The following C3orf70 variants were observed in gnomAD, a reference collection of about 807,000 sequenced individuals.
C3orf70 encodes the protein chromosome 3 open reading frame 70.
In C3orf70, 15 loss-of-function variants were observed where a neutral mutation model predicts 20.7. The observed-to-expected ratio is 0.72, with a 90% confidence interval of 0.48 to 1.11. The LOEUF (loss-of-function observed/expected upper bound fraction) is 1.11, where lower values mean the gene tolerates loss of function less well. Ranked by LOEUF, C3orf70 falls within the 50% of genes most tolerant of loss-of-function variation. The pLI, the probability that C3orf70 is intolerant of heterozygous loss-of-function variation, is 0.00. For synonymous variants in C3orf70, 161 were observed against 125.7 expected, an observed-to-expected ratio of 1.28 and a Z score of -1.88; for missense variants, 332 against 317.6, an observed-to-expected ratio of 1.05 and a Z score of -0.34.
intron 1 of C3orf70, among the ~76,000 whole-genome samples, chr3:185,123,815 T>A (rs1716358058): frequency 6.6e-6 from 1 of 152,168 alleles, no homozygotes; most frequent in Non-Finnish European, 1.5e-5. Flanking sequence ...CTCAAATAAA[T>A]CCCACTTCTA....
chr3:185,117,454 A>AC (rs1716203945), intron 1 of C3orf70, among the ~76,000 whole-genome samples: 36 of 142,020 alleles, frequency 2.5e-4, no homozygotes, highest in African/African-American at 9.8e-4. Flanking sequence ...CACACACAGA[A>AC]AGAGAGAGAG....
intron 1 of C3orf70, among the ~76,000 whole-genome samples, chr3:185,086,200 T>C (rs535233871): frequency 3.9e-5 from 6 of 152,296 alleles, no homozygotes; most frequent in South Asian, 4.1e-4. Flanking sequence ...TCTTTTTTTT[T>C]CCTTCCCCTC....
At chr3:185,129,155 G>T (rs1387076432) in intron 1 of C3orf70, among the ~76,000 whole-genome samples, 1 of 152,018 alleles carries the variant, frequency 6.6e-6, no homozygotes, top group Non-Finnish European at 1.5e-5. Context: ...GTGCAGGATG[G>T]TAACATGGGT....
intron 1 of C3orf70, among the ~76,000 whole-genome samples, chr3:185,119,728 T>C (rs933741410): frequency 1.3e-5 from 2 of 150,058 alleles, no homozygotes; most frequent in Non-Finnish European, 3.0e-5. Context: ...GGGGTGCTTT[T>C]AAAAAAATGA....
At chr3:185,099,685 G>A (rs1222552843) in intron 1 of C3orf70, among the ~76,000 whole-genome samples, 3 of 152,060 alleles carry the variant, frequency 2.0e-5, no homozygotes, top group African/African-American at 7.2e-5. Context: ...CTAACAGCAT[G>A]ATAGCAGGAT....
rs1717030754 is a variant in C3orf70 at position 185,153,023 on chromosome 3, C to T, written c.-200G>A. 1 of 210,948 alleles carries T rather than the reference C, an allele frequency of 4.7e-6. No homozygotes were observed. The highest frequency in any genetic ancestry group is 2.3e-5 in the African/African-American group (1 of 42,568). 13.1% of individuals were successfully genotyped at this position (210,948 alleles called of 1,614,324 possible). On this transcript the variant is annotated 5_prime_UTR_variant, in exon 1 of 2. Transcript: ENST00000335012. This position sits in a 1 kb window ranked among gnomAD's most constrained non-coding sequence, Gnocchi z 6.8. The stretch of plus-strand genomic sequence containing the variant: ...GGCGCTGCGACCGGGTCCGGGCTGG[C>T]AGCCTCCCTCCCTCCGGCGCGGCGC...
chr3:185,138,911 G>A (rs1253705139), intron 1 of C3orf70, among the ~76,000 whole-genome samples: 2 of 151,764 alleles, frequency 1.3e-5, no homozygotes, highest in Admixed American at 6.6e-5. Context: ...ACCAGCCTGG[G>A]CAAAATAGTG....
intron 1 of C3orf70, among the ~76,000 whole-genome samples, chr3:185,094,725 C>A (rs545202163): frequency 1.3e-5 from 2 of 152,036 alleles, no homozygotes; most frequent in Admixed American, 6.6e-5. Flanking sequence ...TTTCATATAG[C>A]GAGTATGTCT....
intron 1 of C3orf70, among the ~76,000 whole-genome samples, chr3:185,143,267 A>G (rs1716794367): frequency 6.6e-6 from 1 of 152,224 alleles, no homozygotes; most frequent in Admixed American, 6.5e-5. Flanking sequence ...GACAAGAGGA[A>G]GAGAGTGTGT....
At chr3:185,125,779 A>T (rs1484342895) in intron 1 of C3orf70, among the ~76,000 whole-genome samples, 1 of 152,258 alleles carries the variant, frequency 6.6e-6, no homozygotes, top group Non-Finnish European at 1.5e-5. Context: ...CTGGAATATT[A>T]TAAAAAGTAT....
intron 1 of C3orf70, among the ~76,000 whole-genome samples, chr3:185,100,252 C>A (rs1351564276): frequency 1.3e-5 from 2 of 152,206 alleles, no homozygotes; most frequent in Non-Finnish European, 2.9e-5. Flanking sequence ...ACAGTTTTCT[C>A]ATTGCCACAT....
intron 1 of C3orf70, among the ~76,000 whole-genome samples, chr3:185,139,156 G>GAAGGAGGAGCAGA (rs372639991): frequency 0.013 from 1,943 of 149,498 alleles, 18 homozygotes; most frequent in Non-Finnish European, 0.017. Context: ...GGAGGAGGAG[G>GAAGGAGGAGCAGA]AAGGAGGAGC....
At chr3:185,150,683 G>A (rs1224991699) in intron 1 of C3orf70, among the ~76,000 whole-genome samples, 2 of 152,196 alleles carry the variant, frequency 1.3e-5, no homozygotes, top group African/African-American at 4.8e-5. Context: ...ATGGGAGGTA[G>A]TGGTCTTGTT....
chr3:185,084,490 A>G (rs988053795), intron 1 of C3orf70, among the ~76,000 whole-genome samples: 1 of 151,894 alleles, frequency 6.6e-6, no homozygotes, highest in Non-Finnish European at 1.5e-5. Context: ...TCAGTGGCCT[A>G]ATCAGGAGGT....
At chr3:185,148,882 T>G (rs1716927962) in intron 1 of C3orf70, among the ~76,000 whole-genome samples, 1 of 152,252 alleles carries the variant, frequency 6.6e-6, no homozygotes, top group African/African-American at 2.4e-5. Flanking sequence ...CTTTATGTCT[T>G]TTATGGACAT....
rs552394620 is a variant in C3orf70 at position 185,145,025 on chromosome 3, T to C, written c.196+7603A>G. Among the ~76,000 whole-genome samples, 31 of 152,354 alleles carry C rather than the reference T, an allele frequency of 2.0e-4. 1 individual carries two copies. The South Asian group carries it at 6.4e-3, about 32-fold the overall frequency. On this transcript the variant is annotated intron_variant, in intron 1 of 1. Coordinates refer to ENST00000335012, the MANE Select transcript of C3orf70 (RefSeq NM_001025266.3). ...CTCACAGTTCAAACACAGGTGCTCT[T>C]TGCTGGACTATACTCTGCCTTCCAC...
intron 1 of C3orf70, among the ~76,000 whole-genome samples, chr3:185,091,711 G>T (rs1272243964): frequency 2.7e-5 from 4 of 149,670 alleles, no homozygotes; most frequent in African/African-American, 7.4e-5. Flanking sequence ...TGGAGGCAGA[G>T]TCTTGCTCTG....
intron 1 of C3orf70, among the ~76,000 whole-genome samples, chr3:185,112,317 G>A (rs1716092554): frequency 6.6e-6 from 1 of 152,018 alleles, no homozygotes. Flanking sequence ...GTCACTCGTG[G>A]CCCATTTTCT....
At chr3:185,112,767 T>C (rs1716099803) in intron 1 of C3orf70, among the ~76,000 whole-genome samples, 1 of 152,210 alleles carries the variant, frequency 6.6e-6, no homozygotes, top group African/African-American at 2.4e-5. Flanking sequence ...TCCTCCCTCC[T>C]CCTACCCTAT....
Sources: gnomAD v4.1 joint callset for allele counts (sites outside exome capture counted in the v4.1 genomes callset) on GRCh38, gnomAD v4.1.1 for gene constraint, Gnocchi (gnomAD v3.1) non-coding constraint, MANE v1.5 for transcripts, NCBI Gene and HGNC (gene_info 2026-07-23, HGNC 2026-07-21) for gene names.